The following NSUN6 variants were observed in gnomAD, a reference collection of about 807,000 sequenced individuals.
The protein encoded by NSUN6 is NOP2/Sun RNA methyltransferase 6, also known as tRNA (cytosine(72)-C(5))-methyltransferase NSUN6.
NSUN6 carries 64 observed loss-of-function variants against 58.0 expected under a neutral mutation model. That is an observed-to-expected ratio of 1.10 (90% confidence interval 0.90 to 1.36). NSUN6 has a LOEUF of 1.36. Ranked by LOEUF, NSUN6 falls within the 40% of genes most tolerant of loss-of-function variation. The pLI is 0.00. For synonymous variants in NSUN6, 231 were observed against 193.9 expected, an observed-to-expected ratio of 1.19 and a Z score of -1.59; for missense variants, 701 against 550.1, an observed-to-expected ratio of 1.27 and a Z score of -2.74.
intron 8 of NSUN6, among the ~76,000 whole-genome samples, chr10:18,582,939 T>G (rs1467150203): frequency 2.0e-5 from 3 of 152,098 alleles, no homozygotes; most frequent in Non-Finnish European, 1.5e-5. Context: ...TTCAAGTTGT[T>G]ACGATGTATT....
intron 2 of NSUN6, among the ~76,000 whole-genome samples, chr10:18,646,703 C>A (rs1373774835): frequency 6.6e-6 from 1 of 151,970 alleles, no homozygotes; most frequent in Non-Finnish European, 1.5e-5. Flanking sequence ...ATGTAGCAGG[C>A]GTCTGTAGTC....
rs992951601 is a variant in NSUN6, at chr10:18,548,033, C to T, written c.1197+79G>A. 1.8e-5 allele frequency: 25 copies of T among 1,381,192 alleles called. No individual in the cohort carries two copies. The Admixed American group carries it at 2.1e-4, about 11-fold the overall frequency. The allele number at this position is 1,381,192 out of a possible 1,614,324, so 85.6% of individuals were successfully genotyped here. A position where few individuals can be genotyped will look rare whatever the true frequency, so the allele number is the denominator to read the frequency against. ...ACTTTGGAAGTTTTACTTATCTCTT[C>T]GTTAACACCCTGATTACCACAGTGC... On this transcript the variant is annotated intron_variant, in intron 10 of 10. Coordinates refer to ENST00000377304, the MANE Select transcript of NSUN6 (RefSeq NM_182543.5).
chr10:18,607,419 T>C (rs928967290), intron 6 of NSUN6, among the ~76,000 whole-genome samples: 2 of 152,232 alleles, frequency 1.3e-5, no homozygotes, highest in Non-Finnish European at 2.9e-5. Flanking sequence ...CACCTGGTTC[T>C]GGTCTGCATT....
At chr10:18,626,768 G>A (rs2058823978) in intron 3 of NSUN6, among the ~76,000 whole-genome samples, 1 of 144,544 alleles carries the variant, frequency 6.9e-6, no homozygotes, top group African/African-American at 2.6e-5. Flanking sequence ...ACTCCGTCCT[G>A]GGTGGGGGAA....
intron 8 of NSUN6, among the ~76,000 whole-genome samples, chr10:18,557,475 G>A (rs1323488513): frequency 1.3e-5 from 2 of 150,722 alleles, no homozygotes; most frequent in East Asian, 4.0e-4. Context: ...AATAGAGAAT[G>A]GAATGGAATA....
intron 2 of NSUN6, 27 bp from the exon 3 acceptor site, chr10:18,642,582 G>C (rs1278224850): frequency 8.9e-7 from 1 of 1,127,538 alleles, no homozygotes. Flanking sequence ...TGATTATAAA[G>C]TAATCCATAC....
intron 7 of NSUN6, among the ~76,000 whole-genome samples, chr10:18,590,056 G>A (rs948222081): frequency 1.6e-4 from 24 of 152,196 alleles, no homozygotes; most frequent in African/African-American, 4.1e-4. Flanking sequence ...TAAAGGAATG[G>A]AGGAATATTT....
intron 8 of NSUN6, among the ~76,000 whole-genome samples, chr10:18,561,495 G>A (rs1191414441): frequency 9.0e-6 from 1 of 111,456 alleles, no homozygotes; most frequent in Non-Finnish European, 1.9e-5. Flanking sequence ...ATGCAATGGA[G>A]AATGGAATGT....
chr10:18,629,980 C>T (rs959316069), intron 3 of NSUN6, among the ~76,000 whole-genome samples: 3 of 150,688 alleles, frequency 2.0e-5, no homozygotes, highest in East Asian at 3.9e-4. Context: ...CACAGCTATT[C>T]CAAAATTGAC....
chr10:18,607,128 T>C (rs941762536), intron 6 of NSUN6, among the ~76,000 whole-genome samples: 5 of 152,230 alleles, frequency 3.3e-5, no homozygotes, highest in African/African-American at 1.2e-4. Context: ...TTCATTTAGA[T>C]GATGCCTCTC....
At chr10:18,634,755 TCAAA>T (rs35015072) in intron 3 of NSUN6, among the ~76,000 whole-genome samples, 3 of 149,598 alleles carry the variant, frequency 2.0e-5, no homozygotes, top group Admixed American at 6.7e-5. Context: ...AGACTCTGTC[TCAAA>T]CAAACAAACA....
intron 8 of NSUN6, among the ~76,000 whole-genome samples, chr10:18,585,093 C>T (rs2057072463): frequency 6.6e-6 from 1 of 151,368 alleles, no homozygotes; most frequent in Non-Finnish European, 1.5e-5. Context: ...CAGGAAAATG[C>T]AAATCAAAAC....
intron 7 of NSUN6, among the ~76,000 whole-genome samples, chr10:18,593,500 A>T (rs2057457202): frequency 6.6e-6 from 1 of 152,208 alleles, no homozygotes; most frequent in African/African-American, 2.4e-5. Context: ...AATGTGGCAC[A>T]TAGACACCAT....
chr10:18,649,799 A>G lies in NSUN6; in HGVS notation c.76-1154T>C, dbSNP rs185090838. Among the ~76,000 whole-genome samples, 18 of 152,318 alleles carry G rather than the reference A, an allele frequency of 1.2e-4. No homozygotes were observed. In the East Asian group the frequency reaches 3.3e-3, roughly 28 times the overall value. On this transcript the variant is annotated intron_variant, in intron 1 of 10. Coordinates refer to ENST00000377304, the MANE Select transcript of NSUN6 (RefSeq NM_182543.5). ...ATAAAACGACGTTCTCCATTTTAAAATCTGCTGAAAAAATTGTGGTATGCC... is the reference window on the plus strand; with the variant it reads ...ATAAAACGACGTTCTCCATTTTAAAGTCTGCTGAAAAAATTGTGGTATGCC...
intron 6 of NSUN6, among the ~76,000 whole-genome samples, chr10:18,599,058 G>C (rs568133961): frequency 3.8e-4 from 58 of 152,244 alleles, no homozygotes; most frequent in African/African-American, 1.4e-3. Context: ...TATTTTTGGA[G>C]ATAGAGTCTT....
At chr10:18,568,431 T>C (rs1253846904) in intron 8 of NSUN6, among the ~76,000 whole-genome samples, 3 of 150,906 alleles carry the variant, frequency 2.0e-5, no homozygotes, top group African/African-American at 2.4e-5. Flanking sequence ...TTTCATTCCA[T>C]TGTCCATTCC....
chr10:18,575,095 A>G (rs922092420), intron 8 of NSUN6, among the ~76,000 whole-genome samples: 1 of 152,188 alleles, frequency 6.6e-6, no homozygotes, highest in Non-Finnish European at 1.5e-5. Flanking sequence ...CAGACCAGAG[A>G]GAAATGTTGT....
At chr10:18,560,111 G>T (rs201604924) in intron 8 of NSUN6, among the ~76,000 whole-genome samples, 6 of 147,192 alleles carry the variant, frequency 4.1e-5, no homozygotes, top group Admixed American at 6.9e-5. Flanking sequence ...AGGAAGGGAA[G>T]GGAATGGAAT....
At chr10:18,554,903 G>A (rs933874337) in intron 8 of NSUN6, among the ~76,000 whole-genome samples, 18 of 150,214 alleles carry the variant, frequency 1.2e-4, no homozygotes, top group Non-Finnish European at 2.4e-4. Flanking sequence ...GAATGGAATA[G>A]AGAATGGAAG....
Sources: gnomAD v4.1 joint callset for allele counts (sites outside exome capture counted in the v4.1 genomes callset) on GRCh38, gnomAD v4.1.1 for gene constraint, MANE v1.5 for transcripts, NCBI Gene and HGNC (gene_info 2026-07-23, HGNC 2026-07-21) for gene names.